KCNK2: variants seen among roughly 807,000 people sequenced by gnomAD.
KCNK2 encodes potassium two pore domain channel subfamily K member 2.
A neutral mutation model predicts 40.5 loss-of-function variants in KCNK2; 21 were observed. That is an observed-to-expected ratio of 0.52 (90% CI 0.37 to 0.75). The LOEUF is 0.75. Ranked by LOEUF, KCNK2 falls within the 30% of genes least tolerant of loss-of-function variation. KCNK2 has a pLI of 0.00. For missense variants in KCNK2, 399 were observed against 531.6 expected (o/e 0.75, Z 2.45); for synonymous variants, 191 against 202.2 (o/e 0.94, Z 0.47).
chr1:215,047,815 C>T (rs1558068672), intron 1 of KCNK2, among the ~76,000 whole-genome samples: 1 of 152,102 alleles, frequency 6.6e-6, no homozygotes, highest in Non-Finnish European at 1.5e-5. Flanking sequence ...TATTTCAATA[C>T]AGATATATTC....
chr1:215,037,002 C>CTTTTTTTTTTTTTTTTTTTTTT (rs3033912), intron 1 of KCNK2, among the ~76,000 whole-genome samples: 1 of 125,854 alleles, frequency 7.9e-6, no homozygotes, highest in African/African-American at 3.0e-5. Context: ...CCTTTTATTC[C>CTTTTTTTTTTTTTTTTTTTTTT]TTTTTTTTTT....
intron 4 of KCNK2, 149 bp downstream of exon 4, chr1:215,169,508 CT>C: frequency 1.8e-6 from 1 of 559,938 alleles, no homozygotes; most frequent in East Asian, 3.1e-5. Context: ...ATGTAACTCA[CT>C]GTTTTTTAAT....
intron 2 of KCNK2, among the ~76,000 whole-genome samples, chr1:215,103,833 G>C (rs1049403822): frequency 6.6e-6 from 1 of 151,966 alleles, no homozygotes; most frequent in Non-Finnish European, 1.5e-5. Flanking sequence ...TCCATAGACA[G>C]CTTGTGTGTC....
rs1571634237 is a variant in KCNK2, at chr1:215,119,717, A to G, written c.358-4916A>G. Among the ~76,000 whole-genome samples the G allele has an allele frequency of 2.0e-5, 3 of 152,148 alleles. No homozygotes were observed. In the South Asian group the frequency reaches 6.2e-4, roughly 32 times the overall value. ...TCCATCTTCGCTTATCTTAACCTAA[A>G]CCATTCAACTTATTCATAAGTTGTC... On this transcript the variant is annotated intron_variant, in intron 2 of 6. Coordinates refer to ENST00000444842, the MANE Select transcript of KCNK2 (RefSeq NM_001017425.3).
intron 5 of KCNK2, among the ~76,000 whole-genome samples, chr1:215,186,586 G>T (rs1664448104): frequency 1.3e-5 from 2 of 152,120 alleles, no homozygotes; most frequent in African/African-American, 4.8e-5. Context: ...GAGATCACCG[G>T]TGCAGATAAA....
chr1:215,056,615 CTTTTTTTTTT>C (rs34925678), intron 1 of KCNK2, among the ~76,000 whole-genome samples: 1 of 103,984 alleles, frequency 9.6e-6, no homozygotes, highest in Non-Finnish European at 1.7e-5. Flanking sequence ...TGTGTCCACT[CTTTTTTTTTT>C]TTTTTTTTTT....
chr1:215,153,170 TG>T (rs1558115307), intron 3 of KCNK2, among the ~76,000 whole-genome samples: 1 of 152,188 alleles, frequency 6.6e-6, no homozygotes, highest in Non-Finnish European at 1.5e-5. Flanking sequence ...CATCTTTCAG[TG>T]GAGGTGAACT....
At chr1:215,117,120 T>C (rs764912213) in intron 2 of KCNK2, among the ~76,000 whole-genome samples, 11 of 152,012 alleles carry the variant, frequency 7.2e-5, no homozygotes, top group Non-Finnish European at 1.5e-4. Context: ...GCCTCTATTT[T>C]TCCTAGAAAA....
At chr1:215,033,258 G>T (rs563411985) in intron 1 of KCNK2, among the ~76,000 whole-genome samples, 121 of 140,282 alleles carry the variant, frequency 8.6e-4, no homozygotes, top group African/African-American at 3.0e-3. Context: ...TGCTTATATT[G>T]TCTCTGTTCT....
At chr1:215,015,713 GA>G (rs1656563545) in intron 1 of KCNK2, among the ~76,000 whole-genome samples, 1 of 152,178 alleles carries the variant, frequency 6.6e-6, no homozygotes, top group Admixed American at 6.5e-5. Flanking sequence ...TGTTAGAGCT[GA>G]AAAAGTTACA....
At chr1:215,085,892 T>A (rs1317920907) in intron 1 of KCNK2, among the ~76,000 whole-genome samples, 2 of 152,244 alleles carry the variant, frequency 1.3e-5, no homozygotes, top group African/African-American at 4.8e-5. Context: ...TAATAAATTT[T>A]AAAATGAAAA....
At position 215,188,272 on chromosome 1, in the gene KCNK2, G is replaced by T. The variant is rs866628276; in HGVS notation, c.824-6681G>T. On this transcript the variant is annotated intron_variant, in intron 5 of 6. Coordinates refer to ENST00000444842, the MANE Select transcript of KCNK2 (RefSeq NM_001017425.3). Reference sequence around the variant, plus strand: ...TCCTATAGAGGTACAATACAATTTGGGACTTTCCCAGGTAAAATTTTTCCT... The same window carrying T: ...TCCTATAGAGGTACAATACAATTTGTGACTTTCCCAGGTAAAATTTTTCCT... 2.0e-5 allele frequency among the ~76,000 whole-genome samples: 3 copies of T among 151,966 alleles called. No homozygotes were observed. The East Asian group carries it at 5.8e-4, about 29-fold the overall frequency.
At chr1:215,208,729 G>A (rs780204049) in intron 6 of KCNK2, among the ~76,000 whole-genome samples, 3 of 151,926 alleles carry the variant, frequency 2.0e-5, no homozygotes, top group Non-Finnish European at 4.4e-5. Flanking sequence ...TTTCAAAATT[G>A]GAAACTGTGA....
rs1392961436 is a variant in KCNK2 at position 215,149,706 on chromosome 1, C to G, written c.476-19493C>G. On this transcript the variant is annotated intron_variant, in intron 3 of 6. Coordinates refer to ENST00000444842, the MANE Select transcript of KCNK2 (RefSeq NM_001017425.3). ...CAATAAGTACGAAGTGCAGATAAAA[C>G]TCATGTGCAGAAGAGATTTTGAAAG... is the stretch of plus-strand genomic sequence containing the variant. 2.0e-5 allele frequency among the ~76,000 whole-genome samples: 3 copies of G among 152,134 alleles called. No homozygotes were observed. The East Asian group carries it at 5.8e-4, about 29-fold the overall frequency.
intron 3 of KCNK2, among the ~76,000 whole-genome samples, chr1:215,125,318 T>A (rs368980238): frequency 9.9e-5 from 15 of 152,196 alleles, no homozygotes; most frequent in African/African-American, 2.7e-4. Context: ...AGACCCCTGA[T>A]GTTTTACCTT....
At chr1:215,121,855 C>T (rs1661201898) in intron 2 of KCNK2, among the ~76,000 whole-genome samples, 2 of 152,104 alleles carry the variant, frequency 1.3e-5, no homozygotes, top group South Asian at 4.1e-4. Context: ...CTTAGGTTAA[C>T]ATATATGGGC....
At chr1:215,014,828 A>T (rs1301017353) in intron 1 of KCNK2, among the ~76,000 whole-genome samples, 2 of 152,114 alleles carry the variant, frequency 1.3e-5, no homozygotes, top group Non-Finnish European at 2.9e-5. Flanking sequence ...TTCCATAGAG[A>T]GATGAATTTT....
At chr1:215,005,564 C>T (rs918200311), upstream of KCNK2, among the ~76,000 whole-genome samples, 2 of 152,184 alleles carry the variant, frequency 1.3e-5, no homozygotes, top group East Asian at 1.9e-4. Flanking sequence ...GAATAAGTGA[C>T]GCTGGCAACT....
intron 1 of KCNK2, among the ~76,000 whole-genome samples, chr1:215,060,613 C>T (rs61818276): frequency 0.011 from 1,702 of 152,112 alleles, 39 homozygotes; most frequent in South Asian, 0.098. Context: ...TCAGAGTAGC[C>T]GTAGAAAAAA....
Sources: allele counts gnomAD v4.1 joint callset (sites outside exome capture counted in the v4.1 genomes callset), GRCh38; gene constraint gnomAD v4.1.1; transcripts MANE v1.5; gene names NCBI Gene and HGNC (gene_info 2026-07-23, HGNC 2026-07-21).